The following EHD1 variants were observed in gnomAD, a reference collection of about 807,000 sequenced individuals.
EHD1 encodes the protein EH domain-containing protein 1.
EHD1 carries 19 observed loss-of-function variants against 39.0 expected under a neutral mutation model. The ratio of observed to expected loss-of-function variants is 0.49; its 90% confidence interval spans 0.34 to 0.72. The LOEUF (loss-of-function observed/expected upper bound fraction) is 0.72. Among genes scored for constraint, EHD1 ranks in the 30% least tolerant of loss-of-function variants. The pLI is 0.01. For synonymous variants in EHD1, 323 were observed against 331.2 expected (o/e 0.98, Z 0.27); for missense variants, 542 against 751.5 (o/e 0.72, Z 3.26).
Position 64,878,052 on chromosome 11 carries a change from G to A in EHD1, c.404+9C>T. On this transcript the variant is annotated intron_variant, in intron 1 of 4. Transcript: ENST00000320631. Reference sequence around the variant, plus strand: ...GCGCCCCCCGCCCCCTGGAGTGATGGGTGGGTACCTGTTGAGGAAAGCGTT... The same window carrying A: ...GCGCCCCCCGCCCCCTGGAGTGATGAGTGGGTACCTGTTGAGGAAAGCGTT... The A allele has an allele frequency of 1.3e-6, 2 of 1,502,858 alleles. No homozygotes were observed. The highest frequency in any genetic ancestry group is 1.8e-6 in the Non-Finnish European group (2 of 1,131,620). The allele number at this position is 1,502,858 out of a possible 1,614,324, so 93.1% of individuals were successfully genotyped here. A position where few individuals can be genotyped will look rare whatever the true frequency, so the allele number is the denominator to read the frequency against.
chr11:64,870,873 G>A (rs1006942848), intron 2 of EHD1, among the ~76,000 whole-genome samples: 4 of 152,170 alleles, frequency 2.6e-5, no homozygotes, highest in African/African-American at 9.7e-5. Flanking sequence ...ACAGGAGAAC[G>A]GTATCTTTAA....
At chr11:64,877,790 T>C in intron 1 of EHD1, 2 of 365,874 alleles carry the variant, frequency 5.5e-6, no homozygotes, top group Non-Finnish European at 9.7e-6. Flanking sequence ...CTGAGGGGAG[T>C]GGGGCTGGGA....
At chr11:64,874,219 G>A (rs191939255) in intron 2 of EHD1, among the ~76,000 whole-genome samples, 11 of 148,116 alleles carry the variant, frequency 7.4e-5, no homozygotes, top group South Asian at 4.3e-4. Flanking sequence ...CAGGAGAATC[G>A]CTTGAACCCA....
intron 2 of EHD1, among the ~76,000 whole-genome samples, chr11:64,873,805 T>C (rs969041209): frequency 1.3e-5 from 2 of 151,432 alleles, no homozygotes; most frequent in East Asian, 2.0e-4. Context: ...GCCTCCCGAG[T>C]AGCTGGGACT....
chr11:64,853,838 C>T lies in EHD1; in HGVS notation c.*495G>A, dbSNP rs534035064. The T allele has an allele frequency of 2.5e-5, 4 of 161,156 alleles. No homozygotes were observed. Among genetic ancestry groups the T allele is most frequent in the Admixed American group, 5.8e-5 (1 of 17,348 alleles). 10.0% of individuals were successfully genotyped at this position (161,156 alleles called of 1,614,324 possible). ...GGAAGGCACAAGAACCCACTTCGCC[C>T]GAGAGCACGGGGGAGGCAGAGCCAG... On this transcript the variant is annotated 3_prime_UTR_variant, in exon 5 of 5. Transcript: ENST00000320631.
chr11:64,863,741 C>T (rs1943739679), intron 2 of EHD1, among the ~76,000 whole-genome samples: 1 of 152,246 alleles, frequency 6.6e-6, no homozygotes, highest in Non-Finnish European at 1.5e-5. Context: ...GGAACTCGGG[C>T]CACTAACTAA....
rs1943786918 is a variant in EHD1, at chr11:64,868,020, T to C, written c.502+6401A>G. ...CTTCCTGAGAACAGCTGGACCATGT[T>C]TCCCGCCAGCACAGAAGGGGAAGAG... On this transcript the variant is annotated intron_variant, in intron 2 of 4. Coordinates refer to ENST00000320631, the MANE Select transcript of EHD1 (RefSeq NM_006795.4). The surrounding 1 kb of genome is among the most constrained non-coding windows in gnomAD (Gnocchi z 4.2). Among the ~76,000 whole-genome samples, 1 of 152,174 alleles carries C rather than the reference T, an allele frequency of 6.6e-6. No homozygotes were observed.
At chr11:64,857,026 C>T (rs965764706) in intron 3 of EHD1, among the ~76,000 whole-genome samples, 2 of 152,220 alleles carry the variant, frequency 1.3e-5, no homozygotes, top group Non-Finnish European at 2.9e-5. Context: ...CTCAGGACGT[C>T]CTTTGTCCTT....
intron 2 of EHD1, among the ~76,000 whole-genome samples, chr11:64,870,388 A>C (rs1243363792): frequency 2.0e-5 from 3 of 152,168 alleles, no homozygotes; most frequent in Non-Finnish European, 4.4e-5. Context: ...CTGTCATCTT[A>C]GGCCAATTAC....
At chr11:64,860,718 GAAAAA>G (rs138106545) in intron 2 of EHD1, among the ~76,000 whole-genome samples, 1 of 110,324 alleles carries the variant, frequency 9.1e-6, no homozygotes, top group African/African-American at 3.4e-5. Flanking sequence ...AAACTGTCGC[GAAAAA>G]AAAAAAAAAA....
Position 64,874,493 on chromosome 11 carries a change from G to A in EHD1, c.430C>T (p.Pro144Ser). 1.9e-6 allele frequency: 3 copies of A among 1,610,320 alleles called. No individual in the cohort carries two copies. Among genetic ancestry groups the A allele is most frequent in the Non-Finnish European group, 1.7e-6 (2 of 1,178,606 alleles). Residue 144 changes from proline (P) to serine (S), a missense_variant, in exon 2 of 5, where the codon CCC becomes TCC. Physicochemically the swap from Pro to Ser is moderately conservative, Grantham distance 74. Transcript: ENST00000320631. ...ATGATGCTGATGCTGTCCAGGACGG[G>A]GTTGGGCAGCTGGGCACACATGAAC... ...NRFMCAQLPN[P>S]VLDSISIIDT...
At chr11:64,871,412 C>G (rs1357405814) in intron 2 of EHD1, among the ~76,000 whole-genome samples, 2 of 152,208 alleles carry the variant, frequency 1.3e-5, no homozygotes, top group Admixed American at 6.5e-5. Context: ...AAACAGAAAT[C>G]CACTCCTCCT....
In EHD1 at chr11:64,868,047, G is replaced by A. The variant is rs1444389708; in HGVS notation, c.502+6374C>T. 1.3e-5 allele frequency among the ~76,000 whole-genome samples: 2 copies of A among 152,204 alleles called. No homozygotes were observed. The highest frequency in any genetic ancestry group is 3.9e-4 in the East Asian group (2 of 5,194). On this transcript the variant is annotated intron_variant, in intron 2 of 4. Transcript: ENST00000320631. This position sits in a 1 kb window ranked among gnomAD's most constrained non-coding sequence, Gnocchi z 4.2. ...CCCGCCAGCACAGAAGGGGAAGAGG[G>A]AGGTTCTCAGGCCTCCCCGCCCTAC...
At chr11:64,873,833 C>T (rs1157676346) in intron 2 of EHD1, among the ~76,000 whole-genome samples, 4 of 151,856 alleles carry the variant, frequency 2.6e-5, no homozygotes, top group South Asian at 2.1e-4. Context: ...CCCACCAACA[C>T]GCCCAGCTAA....
At chr11:64,856,385 A>C (rs1344966839) in intron 3 of EHD1, 1 of 152,148 alleles carries the variant, frequency 6.6e-6, no homozygotes, top group African/African-American at 2.4e-5. Flanking sequence ...GATTTGAAAA[A>C]TCCCAAAAAG....
At chr11:64,872,799 C>G (rs1943844097) in intron 2 of EHD1, among the ~76,000 whole-genome samples, 1 of 152,182 alleles carries the variant, frequency 6.6e-6, no homozygotes, top group Admixed American at 6.5e-5. Context: ...TTCTCAGCTC[C>G]AAGAACAGAG....
intron 2 of EHD1, among the ~76,000 whole-genome samples, chr11:64,860,701 A>T (rs1943706537): frequency 1.4e-5 from 2 of 144,956 alleles, no homozygotes; most frequent in South Asian, 4.3e-4. Flanking sequence ...CCTGGGTAAG[A>T]AGAGCAAAAC....
intron 1 of EHD1, 95 bp downstream of exon 1, chr11:64,877,964 CAA>C (rs1183501724): frequency 6.9e-6 from 9 of 1,312,916 alleles, no homozygotes; most frequent in Admixed American, 3.0e-5. Context: ...GCCTCGGAGA[CAA>C]AGGACGGCGG....
Position 64,853,991 on chromosome 11 carries a change from C to T in EHD1, c.*342G>A, listed in dbSNP as rs1000527583. The T allele has an allele frequency of 8.1e-5, 26 of 322,964 alleles. No homozygotes were observed. Among genetic ancestry groups the T allele is most frequent in the African/African-American group, 2.9e-4 (14 of 47,856 alleles). 20.0% of individuals were successfully genotyped at this position (322,964 alleles called of 1,614,324 possible). The stretch of plus-strand genomic sequence containing the variant: ...AAGGGCGACCTGGCTCCCCCACGGT[C>T]GCAGTCGCTGCACTGTCCAGCTCCA... On this transcript the variant is annotated 3_prime_UTR_variant, in exon 5 of 5. Coordinates refer to ENST00000320631, the MANE Select transcript of EHD1 (RefSeq NM_006795.4).
Sources: gnomAD v4.1 joint callset for allele counts (sites outside exome capture counted in the v4.1 genomes callset) on GRCh38, gnomAD v4.1.1 for gene constraint, Gnocchi (gnomAD v3.1) non-coding constraint, MANE v1.5 for transcripts, NCBI Gene and HGNC (gene_info 2026-07-23, HGNC 2026-07-21) for gene names.